NRAP: variants seen among roughly 807,000 people sequenced by gnomAD.
The protein encoded by NRAP is nebulin related anchoring protein.
NRAP carries 189 observed loss-of-function variants against 225.9 expected under a neutral mutation model. That is an observed-to-expected ratio of 0.84 (90% CI 0.74 to 0.94). The LOEUF is 0.94. NRAP is among the 40% of genes least tolerant of loss of function. NRAP has a pLI of 0.00. For missense variants in NRAP, 2,176 were observed against 2,168.7 expected (o/e 1.00, Z -0.07); for synonymous variants, 769 against 790.7 (o/e 0.97, Z 0.46).
At chr10:113,629,184 C>A (rs1162248174) in intron 19 of NRAP, among the ~76,000 whole-genome samples, 163 bp from the exon 20 acceptor site, 2 of 152,224 alleles carry the variant, frequency 1.3e-5, no homozygotes, top group East Asian at 3.8e-4. Flanking sequence ...GGTACAGCCA[C>A]CGGGCCCACC....
Position 113,626,063 on chromosome 10 carries a change from T to G in NRAP, c.2228A>C (p.Gln743Pro), listed in dbSNP as rs532259152. 1.9e-6 allele frequency: 3 copies of G among 1,612,020 alleles called. No individual in the cohort carries two copies. The highest frequency in any genetic ancestry group is 2.5e-6 in the Non-Finnish European group (3 of 1,179,308). Residue 743 changes from glutamine (Q) to proline (P), a missense_variant, in exon 21 of 42, where the codon CAG becomes CCG. By Grantham distance (76) the Gln-to-Pro change is moderately conservative. Coordinates refer to ENST00000359988, the MANE Select transcript of NRAP (RefSeq NM_198060.4). ...SSQMEHAKKSQELQSGVAYKA... is the reference protein window; with the variant it reads ...SSQMEHAKKSPELQSGVAYKA... ...AGGACTCACCCCGCTCTGTAGCTCC[T>G]GGCTCTTCTTGGCGTGCTCCATCTG...
chr10:113,607,410 A>AAAAAAAAAAAAAAAAAAAAAAAAAAAG (rs1847050575), intron 32 of NRAP, among the ~76,000 whole-genome samples: 1 of 36,878 alleles, frequency 2.7e-5, no homozygotes, highest in Non-Finnish European at 5.5e-5. Context: ...AAAAAAAAAA[A>AAAAAAAAAAAAAAAAAAAAAAAAAAAG]AAAAAAAAAA....
intron 4 of NRAP, among the ~76,000 whole-genome samples, chr10:113,655,692 C>A (rs1411670322): frequency 6.6e-6 from 1 of 152,052 alleles, no homozygotes; most frequent in Non-Finnish European, 1.5e-5. Flanking sequence ...TCAGGTGATC[C>A]ACCCACCTTG....
At chr10:113,635,346 C>A (rs1376809645) in intron 14 of NRAP, among the ~76,000 whole-genome samples, 1 of 152,074 alleles carries the variant, frequency 6.6e-6, no homozygotes, top group Non-Finnish European at 1.5e-5. Flanking sequence ...GCCCCAGAAA[C>A]CTATGCAGGT....
rs767262063 is a variant in NRAP, at chr10:113,650,442, C to G, written c.779G>C (p.Ser260Thr). 7 of 1,609,400 alleles carry G rather than the reference C, an allele frequency of 4.3e-6. No homozygotes were observed. The East Asian group carries it at 1.3e-4, about 31-fold the overall frequency. Reference protein sequence around the residue: ...QIAKRANELASDVRYHQQYQK... With the variant: ...QIAKRANELATDVRYHQQYQK... ...CACATTGTCAAGGACACTTACATCA[C>G]TTGCCAGCTCATTGGCTCTTTTGGC... is the stretch of plus-strand genomic sequence containing the variant. Residue 260 changes from serine to threonine, a missense_variant, in exon 8 of 42, where the codon AGT becomes ACT. Ser to Thr is a moderately conservative substitution (Grantham distance 58, BLOSUM62 1). Coordinates refer to ENST00000359988, the MANE Select transcript of NRAP (RefSeq NM_198060.4).
At chr10:113,663,287 A>T in intron 2 of NRAP, 65 bp downstream of exon 2, 1 of 933,990 alleles carries the variant, frequency 1.1e-6, no homozygotes, top group Non-Finnish European at 1.8e-6. Context: ...TTGAACGTTT[A>T]GTTGGCTCCT....
intron 18 of NRAP, 59 bp from the exon 19 acceptor site, chr10:113,629,844 G>C: frequency 8.3e-7 from 1 of 1,203,470 alleles, no homozygotes; most frequent in Non-Finnish European, 1.2e-6. Context: ...TTGCAGGAGT[G>C]ATGTGAAAAT....
chr10:113,657,546 C>T lies in NRAP; in HGVS notation c.284G>A (p.Cys95Tyr). Residue 95 changes from cysteine (C) to tyrosine (Y), a missense_variant, in exon 4 of 42, where the codon TGT becomes TAT. Physicochemically the swap from Cys to Tyr is radical, Grantham distance 194. Coordinates refer to ENST00000359988, the MANE Select transcript of NRAP (RefSeq NM_198060.4). The part of the protein sequence containing the change: ...GIHDQEDGEQ[C>Y]KSVFHWDMKS... ...CATGTCCCAGTGAAAAACTGATTTA[C>T]ACTGTTCACCATCTTCTTGGTCATG... is the stretch of plus-strand genomic sequence containing the variant. 1 of 1,597,344 alleles carries T rather than the reference C, an allele frequency of 6.3e-7. No individual in the cohort carries two copies. The highest frequency in any genetic ancestry group is 8.6e-7 in the Non-Finnish European group (1 of 1,164,714).
In NRAP at chr10:113,615,745, C is replaced by G; in HGVS notation, c.3045G>C (p.Leu1015=). ...YTPTADLPEV[L]LAKLNAMNIS... is the part of the protein sequence containing the mutation. Reference sequence around the variant, plus strand: ...TATTCATGGCATTCAGCTTGGCCAGCAGGACTTCAGGGAGGTCAGCAGTCG... The same window carrying G: ...TATTCATGGCATTCAGCTTGGCCAGGAGGACTTCAGGGAGGTCAGCAGTCG... Residue 1015 remains leucine (L), a synonymous_variant, in exon 27 of 42, where the codon CTG becomes CTC. Transcript: ENST00000359988. 4 of 1,611,112 alleles carry G rather than the reference C, an allele frequency of 2.5e-6. No individual in the cohort carries two copies. Among genetic ancestry groups the G allele is most frequent in the Non-Finnish European group, 3.4e-6 (4 of 1,177,250 alleles).
chr10:113,610,558 C>T lies in NRAP; in HGVS notation c.3504G>A (p.Leu1168=). 1.9e-6 allele frequency: 3 copies of T among 1,575,098 alleles called. No individual in the cohort carries two copies. The highest frequency in any genetic ancestry group is 2.2e-5 in the South Asian group (2 of 90,370). Residue 1168 remains leucine, a synonymous_variant, in exon 31 of 42, where the codon TTG becomes TTA. Transcript: ENST00000359988. Reference sequence around the variant, plus strand: ...GCATAAAGTTCAGGTCTGACCGGTACAAATTCTAGAAGAAATAATAAATAC... The same window carrying T: ...GCATAAAGTTCAGGTCTGACCGGTATAAATTCTAGAAGAAATAATAAATAC... The part of the protein sequence containing the change: ...KKAHKLQSEN[L]YRSDLNFMRG...
rs371038249 is a variant in NRAP, at chr10:113,641,383, A to G, written c.1305T>C (p.Val435=). The change falls in exon 13 of 42, where the codon GTT becomes GTC. Residue 435 remains valine, a synonymous_variant. Transcript: ENST00000359988. The part of the protein sequence containing the change: ...MDRRTLHAMK[V]GSLASNVAYK... ...GACTCACGTTGCTTGCCAGGCTGCC[A>G]ACTTTCATAGCATGCAGAGTGCGTC... is the stretch of plus-strand genomic sequence containing the variant. 1.2e-6 allele frequency: 2 copies of G among 1,613,244 alleles called. No individual in the cohort carries two copies. The highest frequency in any genetic ancestry group is 2.7e-5 in the African/African-American group (2 of 74,902).
chr10:113,590,484 C>G, intron 40 of NRAP, 94 bp downstream of exon 40: 1 of 1,268,962 alleles, frequency 7.9e-7, no homozygotes, highest in East Asian at 2.4e-5. Context: ...GCCCAGCTCC[C>G]CCAGAAGCTA....
chr10:113,607,399 CAAA>C (rs543627940), intron 32 of NRAP, among the ~76,000 whole-genome samples: 1 of 68,604 alleles, frequency 1.5e-5, no homozygotes, highest in Non-Finnish European at 2.8e-5. Context: ...GAAACTCCGT[CAAA>C]AAAAAAAAAA....
chr10:113,610,352 A>AT (rs1338430536), intron 31 of NRAP, 107 bp downstream of exon 31: 2 of 590,838 alleles, frequency 3.4e-6, no homozygotes, highest in South Asian at 2.0e-5. Flanking sequence ...TCCATCTCAA[A>AT]TTAAAAAAAA....
At chr10:113,597,064 T>C (rs1381366831) in intron 37 of NRAP, 22 bp downstream of exon 37, 1 of 1,521,842 alleles carries the variant, frequency 6.6e-7, no homozygotes, top group East Asian at 2.3e-5. Context: ...ATGCCCGGGA[T>C]GAATGACAAG....
chr10:113,589,212 T>C (rs1477636863), intron 41 of NRAP, 133 bp from the exon 42 acceptor site: 12 of 676,788 alleles, frequency 1.8e-5, no homozygotes, highest in Non-Finnish European at 3.0e-5. Context: ...TTTTCCCCTC[T>C]TCTACCCTCC....
chr10:113,642,219 T>C (rs1849243288), intron 12 of NRAP, among the ~76,000 whole-genome samples: 1 of 152,172 alleles, frequency 6.6e-6, no homozygotes, highest in Admixed American at 6.5e-5. Flanking sequence ...CATCCCCATT[T>C]TAGAGTTGGG....
At chr10:113,662,470 T>C (rs1397875210) in intron 3 of NRAP, among the ~76,000 whole-genome samples, 2 of 152,180 alleles carry the variant, frequency 1.3e-5, no homozygotes, top group Non-Finnish European at 2.9e-5. Flanking sequence ...TTTTAAGAAA[T>C]AAAGACAGGG....
At chr10:113,620,744 C>T in intron 24 of NRAP, 36 bp from the exon 25 acceptor site, 1 of 1,405,900 alleles carries the variant, frequency 7.1e-7, no homozygotes. Flanking sequence ...AAAAGCAGGC[C>T]ATTGTTGGTG....
Sources: allele counts gnomAD v4.1 joint callset (sites outside exome capture counted in the v4.1 genomes callset), GRCh38; gene constraint gnomAD v4.1.1; transcripts MANE v1.5; gene names NCBI Gene and HGNC (gene_info 2026-07-23, HGNC 2026-07-21).